BEGAIN: variants seen among roughly 807,000 people sequenced by gnomAD.
BEGAIN encodes the protein brain enriched guanylate kinase associated, also known as brain-enriched guanylate kinase-associated protein.
Under a neutral mutation model 35.8 loss-of-function variants are expected in BEGAIN, and 19 were observed. The ratio of observed to expected loss-of-function variants is 0.53; its 90% CI spans 0.37 to 0.78. The LOEUF (loss-of-function observed/expected upper bound fraction) is 0.78, where lower values mean the gene tolerates loss of function less well. Ranked by LOEUF, BEGAIN falls within the 30% of genes least tolerant of loss-of-function variation. The pLI is 0.00. For missense variants in BEGAIN, 795 were observed against 853.6 expected (o/e 0.93, Z 0.85); for synonymous variants, 462 against 388.6 (o/e 1.19, Z -2.22).
intron 1 of BEGAIN, among the ~76,000 whole-genome samples, chr14:100,575,582 G>C (rs890192637): frequency 6.6e-6 from 1 of 152,192 alleles, no homozygotes; most frequent in African/African-American, 2.4e-5. Flanking sequence ...TTTGATCTGA[G>C]GCTGGAGCTG....
chr14:100,538,652 C>G lies in BEGAIN; in HGVS notation c.1156G>C (p.Gly386Arg), dbSNP rs2031008484. ...AAPLEAEVAP[G>R]FGRTMSPYPA... ...TACGGTGACATGGTCCGCCCGAAGC[C>G]TGGGGCCACTTCGGCCTCCAGCGGG... The change falls in exon 7 of 7, where the codon GGC becomes CGC. Residue 386 changes from glycine to arginine, a missense_variant. Coordinates refer to ENST00000554140, the MANE Select transcript of BEGAIN (RefSeq NM_001385089.1). 6.4e-7 allele frequency: 1 copy of G among 1,550,394 alleles called. No individual in the cohort carries two copies. The highest frequency in any genetic ancestry group is 8.7e-7 in the Non-Finnish European group (1 of 1,146,850).
In BEGAIN at chr14:100,563,369, T is replaced by C. The variant is rs143023733; in HGVS notation, c.71+4542A>G. ...CTTAAACAAGACACAAACGCTTTAA[T>C]CAGAAAGTGAAAAAACCTGACACAT... On this transcript the variant is annotated intron_variant, in intron 2 of 6. Transcript: ENST00000554140. This position sits in a 1 kb window ranked among gnomAD's most constrained non-coding sequence, Gnocchi z 4.2. 6.6e-6 allele frequency among the ~76,000 whole-genome samples: 1 copy of C among 152,276 alleles called. No individual in the cohort carries two copies. Among genetic ancestry groups the C allele is most frequent in the East Asian group, 1.9e-4 (1 of 5,180 alleles).
chr14:100,550,550 G>C (rs11845709), intron 2 of BEGAIN: 6,106 of 398,866 alleles, frequency 0.015, 256 homozygotes, highest in African/African-American at 0.1. Flanking sequence ...ACAGGCCGGG[G>C]TGGGCAGGGC....
intron 1 of BEGAIN, among the ~76,000 whole-genome samples, chr14:100,570,420 T>TG (rs2035041598): frequency 6.6e-6 from 1 of 152,214 alleles, no homozygotes; most frequent in South Asian, 2.1e-4. Flanking sequence ...TTGATGCTGC[T>TG]GTAGCTCAAA....
rs1401771514 is a variant in BEGAIN at position 100,543,921 on chromosome 14, A to G, written c.345T>C (p.Ile115=). 3.1e-6 allele frequency: 5 copies of G among 1,613,510 alleles called. No homozygotes were observed. The highest frequency in any genetic ancestry group is 4.2e-6 in the Non-Finnish European group (5 of 1,179,840). ...EEEKRALSHE[I]VALNSHLLEA... ...CTAGCAGATGGCTGTTGAGGGCAACAATCTCGTGGCTCAGCGCACGCTTCT... is the reference window on the plus strand; with the variant it reads ...CTAGCAGATGGCTGTTGAGGGCAACGATCTCGTGGCTCAGCGCACGCTTCT... The change falls in exon 5 of 7, where the codon ATT becomes ATC. Residue 115 remains isoleucine, a synonymous_variant. Transcript: ENST00000554140.
At chr14:100,570,907 C>T (rs2035061258) in intron 1 of BEGAIN, among the ~76,000 whole-genome samples, 1 of 152,224 alleles carries the variant, frequency 6.6e-6, no homozygotes, top group Non-Finnish European at 1.5e-5. Context: ...CCGAGGCCTG[C>T]CTGATGGGCT....
In BEGAIN at chr14:100,568,438, C is replaced by T. The variant is rs558389748; in HGVS notation, c.43-499G>A. The T allele has an allele frequency of 1.0e-5, 13 of 1,283,830 alleles. 1 individual carries two copies. The South Asian group carries it at 1.1e-4, about 11-fold the overall frequency. 79.5% of individuals were successfully genotyped at this position (1,283,830 alleles called of 1,614,324 possible). On this transcript the variant is annotated intron_variant, in intron 1 of 6. Coordinates refer to ENST00000554140, the MANE Select transcript of BEGAIN (RefSeq NM_001385089.1). The surrounding 1 kb of genome is among the most constrained non-coding windows in gnomAD (Gnocchi z 7.5). ...GGCCGTGCAGGATTGCAGAACCTGA[C>T]ACTCACACAATCCGAGGGCGATGGC...
chr14:100,543,581 C>T (rs973741282), intron 5 of BEGAIN, among the ~76,000 whole-genome samples: 14 of 152,214 alleles, frequency 9.2e-5, no homozygotes, highest in African/African-American at 2.4e-4. Context: ...GCCCCGCATC[C>T]CCTAGCTCAA....
At chr14:100,552,102 A>G (rs375219107) in intron 2 of BEGAIN, among the ~76,000 whole-genome samples, 4 of 152,280 alleles carry the variant, frequency 2.6e-5, no homozygotes, top group African/African-American at 9.6e-5. Flanking sequence ...ACCCCACCCC[A>G]ACAGGTCCCA....
chr14:100,584,573 T>G (rs1369896281), intron 1 of BEGAIN, among the ~76,000 whole-genome samples: 1 of 152,152 alleles, frequency 6.6e-6, no homozygotes, highest in Non-Finnish European at 1.5e-5. Context: ...ACACACTTAG[T>G]CATTCATCAT....
At chr14:100,569,505 T>G (rs1346809994) in intron 1 of BEGAIN, 1 of 152,424 alleles carries the variant, frequency 6.6e-6, no homozygotes, top group Non-Finnish European at 1.5e-5. Flanking sequence ...GGACAGTGCA[T>G]GCCTGGATCC....
chr14:100,574,518 G>GT (rs34762708), intron 1 of BEGAIN, among the ~76,000 whole-genome samples: 2,110 of 137,100 alleles, frequency 0.015, 19 homozygotes, highest in East Asian at 0.033. Context: ...CTGCACAAAG[G>GT]TTTTTTTTTT....
intron 6 of BEGAIN, chr14:100,540,191 C>T (rs548912965): frequency 3.5e-5 from 14 of 402,516 alleles, no homozygotes; most frequent in Admixed American, 2.7e-4. Flanking sequence ...GTCACTCTGC[C>T]GTGTCAGCGC....
chr14:100,543,510 T>C (rs1595110222), intron 5 of BEGAIN, among the ~76,000 whole-genome samples: 1 of 151,772 alleles, frequency 6.6e-6, no homozygotes, highest in Non-Finnish European at 1.5e-5. Context: ...AGGGCAGGAG[T>C]CCTGAGTGGC....
chr14:100,560,535 C>T (rs1301048685), intron 2 of BEGAIN, among the ~76,000 whole-genome samples: 1 of 152,126 alleles, frequency 6.6e-6, no homozygotes, highest in Non-Finnish European at 1.5e-5. Context: ...AGGGCAGCCT[C>T]CCCTCCCTGG....
rs1364287769 is a variant in BEGAIN at position 100,568,988 on chromosome 14, C to G, written c.43-1049G>C. 3 of 971,876 alleles carry G rather than the reference C, an allele frequency of 3.1e-6. No individual in the cohort carries two copies. Among genetic ancestry groups the G allele is most frequent in the Non-Finnish European group, 3.7e-6 (3 of 818,884 alleles). The allele number at this position is 971,876 out of a possible 1,614,324, so 60.2% of individuals were successfully genotyped here. On this transcript the variant is annotated intron_variant, in intron 1 of 6. Coordinates refer to ENST00000554140, the MANE Select transcript of BEGAIN (RefSeq NM_001385089.1). This position sits in a 1 kb window ranked among gnomAD's most constrained non-coding sequence, Gnocchi z 7.5. ...GAGCGCGCTCCGCTCGGGTCCGGGC[C>G]CCACGCCGCCTCCCCCACCGCCCCG...
At chr14:100,581,202 A>G (rs1049772557) in intron 1 of BEGAIN, among the ~76,000 whole-genome samples, 1 of 152,064 alleles carries the variant, frequency 6.6e-6, no homozygotes, top group Non-Finnish European at 1.5e-5. Context: ...GGACTTCAGG[A>G]CTCATTAGCA....
intron 2 of BEGAIN, chr14:100,549,061 C>G (rs1465744604): frequency 1.3e-5 from 2 of 152,404 alleles, no homozygotes; most frequent in African/African-American, 4.8e-5. Flanking sequence ...TGGACACGCA[C>G]CCCGTCCCCA....
intron 6 of BEGAIN, 87 bp from the exon 7 acceptor site, chr14:100,539,402 T>C: frequency 5.4e-6 from 8 of 1,483,154 alleles, no homozygotes; most frequent in Non-Finnish European, 7.1e-6. Flanking sequence ...TGAGGACTGA[T>C]GTTAGCCATG....
Sources: gnomAD v4.1 joint callset for allele counts (sites outside exome capture counted in the v4.1 genomes callset) on GRCh38, gnomAD v4.1.1 for gene constraint, Gnocchi (gnomAD v3.1) non-coding constraint, MANE v1.5 for transcripts, NCBI Gene and HGNC (gene_info 2026-07-23, HGNC 2026-07-21) for gene names.